Variants in XCR1 observed in about 807,000 individuals in gnomAD.
XCR1 encodes chemokine XC receptor 1.
For missense variants in XCR1, 356 were observed against 424.2 expected (o/e 0.84, Z 1.41); for synonymous variants, 187 against 188.5 (o/e 0.99, Z 0.06).
chr3:46,078,751 A>G (rs139514155), intron 1 of XCR1, among the ~76,000 whole-genome samples: 1 of 152,268 alleles, frequency 6.6e-6, no homozygotes, highest in Admixed American at 6.5e-5. Flanking sequence ...TTCTCTTGCT[A>G]TGGAGAAAGG....
At chr3:46,032,559 G>A (rs1039774742) in intron 5 of XCR1, among the ~76,000 whole-genome samples, 1 of 152,222 alleles carries the variant, frequency 6.6e-6, no homozygotes, top group East Asian at 1.9e-4. Flanking sequence ...AGCCTACCAG[G>A]CTGAGTGAGC....
intron 1 of XCR1, among the ~76,000 whole-genome samples, chr3:46,027,128 A>G (rs1708309466): frequency 1.3e-5 from 2 of 151,928 alleles, no homozygotes; most frequent in South Asian, 4.2e-4. Context: ...CTGCCAGGCC[A>G]ATCCGGAACT....
chr3:46,035,959 A>G (rs778544807), intron 5 of XCR1, among the ~76,000 whole-genome samples: 22 of 152,094 alleles, frequency 1.4e-4, no homozygotes, highest in Non-Finnish European at 2.5e-4. Flanking sequence ...ATTAAGCCCA[A>G]CCAGTGGAGA....
intron 5 of XCR1, among the ~76,000 whole-genome samples, chr3:46,041,006 T>A (rs1286882254): frequency 6.6e-6 from 1 of 152,202 alleles, no homozygotes; most frequent in Non-Finnish European, 1.5e-5. Context: ...TTTTGTTTGT[T>A]TTTCAGAGTC....
chr3:46,047,036 T>TAGAACCGTGGATTTCAA (rs144026114), intron 5 of XCR1, among the ~76,000 whole-genome samples: 28,533 of 152,062 alleles, frequency 0.19, 2,752 homozygotes, highest in East Asian at 0.26. Flanking sequence ...CCCCTAACCA[T>TAGAACCGTGGATTTCAA]AGAACCGTGG....
intron 4 of XCR1, among the ~76,000 whole-genome samples, chr3:46,056,298 C>T (rs555899792): frequency 2.0e-5 from 3 of 152,190 alleles, no homozygotes; most frequent in Admixed American, 6.5e-5. Flanking sequence ...CTGCCTCAGC[C>T]TCCCTAAGTG....
chr3:46,080,730 C>T (rs1698347080), intron 1 of XCR1, among the ~76,000 whole-genome samples: 1 of 152,134 alleles, frequency 6.6e-6, no homozygotes, highest in African/African-American at 2.4e-5. Context: ...AATGATAGAC[C>T]AATCTTTCCC....
chr3:46,038,986 A>C (rs2125897166), intron 5 of XCR1, among the ~76,000 whole-genome samples: 1 of 152,320 alleles, frequency 6.6e-6, no homozygotes, highest in East Asian at 1.9e-4. Flanking sequence ...TGGTTAAAAA[A>C]AAAAAAGTGA....
In XCR1 at chr3:46,019,869, G is replaced by C. The variant is rs1708107642; in HGVS notation, c.*1077C>G. On this transcript the variant is annotated 3_prime_UTR_variant, in exon 2 of 2. Transcript: ENST00000309285. ...GGAGATGCCAAGGAAGTGAGGCCCTGTTTCAGGGATGAAACCATGGGCATG... is the reference window on the plus strand; with the variant it reads ...GGAGATGCCAAGGAAGTGAGGCCCTCTTTCAGGGATGAAACCATGGGCATG... The C allele has an allele frequency of 6.6e-6, 1 of 152,270 alleles. No individual in the cohort carries two copies. The highest frequency in any genetic ancestry group is 2.4e-5 in the African/African-American group (1 of 41,432). The allele number at this position is 152,270 out of a possible 1,614,324, so 9.4% of individuals were successfully genotyped here.
At position 46,078,880 on chromosome 3, in the gene XCR1, C is replaced by T. The variant is rs77589002; in HGVS notation, c.-514-1954G>A. Among the ~76,000 whole-genome samples the T allele has an allele frequency of 6.4e-3, 973 of 152,270 alleles. 7 individuals are homozygous for T. Among genetic ancestry groups the T allele is most frequent in the African/African-American group, 0.018 (739 of 41,550 alleles). On this transcript the variant is annotated intron_variant, in intron 1 of 5. Coordinates refer to the XCR1 transcript ENST00000683768. ...GCTGTTGTCTAGGATATAAAGGACG[C>T]TCGTAGGGTATTCCTCACCACAAGA...
At chr3:46,080,569 A>C (rs2125904596) in intron 1 of XCR1, among the ~76,000 whole-genome samples, 1 of 152,266 alleles carries the variant, frequency 6.6e-6, no homozygotes, top group East Asian at 1.9e-4. Context: ...CTCAAAAACA[A>C]AAACAACAAA....
chr3:46,069,488 T>C (rs996888176), intron 3 of XCR1, among the ~76,000 whole-genome samples: 13 of 152,160 alleles, frequency 8.5e-5, no homozygotes, highest in African/African-American at 3.1e-4. Flanking sequence ...GGGTTAGACA[T>C]GGTAACCTCC....
rs1708143486 is a variant in XCR1 at position 46,021,407 on chromosome 3, T to A, written c.541A>T (p.Thr181Ser). 4.3e-6 allele frequency: 7 copies of A among 1,613,904 alleles called. No individual in the cohort carries two copies. Among genetic ancestry groups the A allele is most frequent in the Non-Finnish European group, 5.9e-6 (7 of 1,179,952 alleles). Residue 181 changes from threonine (T) to serine (S), a missense_variant, in exon 2 of 2, where the codon ACG becomes TCG. By Grantham distance (58) the Thr-to-Ser change is moderately conservative. Transcript: ENST00000309285. The surrounding 1 kb of genome is among the most constrained non-coding windows in gnomAD (Gnocchi z 4.7). ...LSSGCDYSEL[T>S]WYLTSVYQHN... ...TGGTAGACGGAGGTGAGGTACCACG[T>A]GAGTTCGGAATAATCACAGCCCGAA...
At chr3:46,058,806 C>T (rs576085791) in intron 4 of XCR1, among the ~76,000 whole-genome samples, 13 of 152,244 alleles carry the variant, frequency 8.5e-5, no homozygotes, top group African/African-American at 2.4e-4. Flanking sequence ...GTCAAGGGAT[C>T]CACCCACCTT....
intron 1 of XCR1, among the ~76,000 whole-genome samples, chr3:46,084,426 A>T (rs1456907703): frequency 6.6e-6 from 1 of 152,218 alleles, no homozygotes; most frequent in East Asian, 1.9e-4. Context: ...CCCTTGAGCT[A>T]AGTAATTACC....
rs1708111386 is a variant in XCR1 at position 46,020,109 on chromosome 3, G to A, written c.*837C>T. 1 of 152,244 alleles carries A rather than the reference G, an allele frequency of 6.6e-6. No homozygotes were observed. The highest frequency in any genetic ancestry group is 2.4e-5 in the African/African-American group (1 of 41,458). 9.4% of individuals were successfully genotyped at this position (152,244 alleles called of 1,614,324 possible). On this transcript the variant is annotated 3_prime_UTR_variant, in exon 2 of 2. Transcript: ENST00000309285. ...TGAAGTCAGCTCACTATCCACCTGG[G>A]AAGGATGAGATGTCGGAGGAGTCCA...
intron 5 of XCR1, among the ~76,000 whole-genome samples, chr3:46,047,906 C>T (rs183657472): frequency 4.3e-4 from 66 of 152,290 alleles, no homozygotes; most frequent in Non-Finnish European, 9.1e-4. Context: ...ACAGGGGGTC[C>T]ATGGACGGGG....
intron 5 of XCR1, among the ~76,000 whole-genome samples, chr3:46,045,446 C>G (rs1056363835): frequency 6.6e-6 from 1 of 151,060 alleles, no homozygotes. Context: ...TCCAGATATA[C>G]AAGTCTGGTT....
At chr3:46,041,495 G>T (rs1697535963) in intron 5 of XCR1, among the ~76,000 whole-genome samples, 1 of 151,998 alleles carries the variant, frequency 6.6e-6, no homozygotes, top group African/African-American at 2.4e-5. Context: ...TTGATTTCTG[G>T]GTGGCTGCAA....
Sources: gnomAD v4.1 joint callset for allele counts (sites outside exome capture counted in the v4.1 genomes callset) on GRCh38, gnomAD v4.1.1 for gene constraint, Gnocchi (gnomAD v3.1) non-coding constraint, MANE v1.5 for transcripts, NCBI Gene and HGNC (gene_info 2026-07-23, HGNC 2026-07-21) for gene names.